CPED1: variants seen among roughly 807,000 people sequenced by gnomAD.
CPED1 encodes the protein cadherin-like and PC-esterase domain-containing protein 1.
A neutral mutation model predicts 128.2 loss-of-function variants in CPED1; 114 were observed. The ratio of observed to expected loss-of-function variants is 0.89; its 90% CI spans 0.76 to 1.04. The LOEUF (loss-of-function observed/expected upper bound fraction) is 1.04. Ranked by LOEUF, CPED1 falls within the 50% of genes least tolerant of loss-of-function variation. The pLI is 0.00. For synonymous variants in CPED1, 462 were observed against 426.7 expected, an observed-to-expected ratio of 1.08 and a Z score of -1.02; for missense variants, 1,211 against 1,207.1, an observed-to-expected ratio of 1.00 and a Z score of -0.05.
intron 18 of CPED1, among the ~76,000 whole-genome samples, chr7:121,252,564 C>T (rs1043219909): frequency 1.3e-5 from 2 of 152,048 alleles, no homozygotes; most frequent in African/African-American, 4.8e-5. Context: ...TCGCAACCTA[C>T]TCATCTGACA....
intron 2 of CPED1, among the ~76,000 whole-genome samples, chr7:120,995,967 C>A (rs1348619367): frequency 9.2e-6 from 1 of 109,168 alleles, no homozygotes; most frequent in Non-Finnish European, 1.8e-5. Flanking sequence ...CCTCCTCCTC[C>A]TCCTTCTTCT....
chr7:121,182,350 A>T (rs1362289654), intron 16 of CPED1, among the ~76,000 whole-genome samples: 1 of 152,038 alleles, frequency 6.6e-6, no homozygotes, highest in Non-Finnish European at 1.5e-5. Context: ...AAAATTAAAG[A>T]AGTTCACTTA....
At chr7:121,160,387 G>A (rs1036351068) in intron 16 of CPED1, among the ~76,000 whole-genome samples, 8 of 152,168 alleles carry the variant, frequency 5.3e-5, no homozygotes, top group Non-Finnish European at 7.3e-5. Flanking sequence ...GATATGAGGG[G>A]ATAGAGAGCG....
chr7:121,145,976 T>A (rs1563044574), intron 16 of CPED1, among the ~76,000 whole-genome samples: 1 of 152,132 alleles, frequency 6.6e-6, no homozygotes, highest in Non-Finnish European at 1.5e-5. Context: ...AGGGAAAAAT[T>A]ATAATTTCTC....
chr7:121,146,043 A>G (rs1796018026), intron 16 of CPED1, among the ~76,000 whole-genome samples: 1 of 152,176 alleles, frequency 6.6e-6, no homozygotes, highest in African/African-American at 2.4e-5. Context: ...TTTTAAATAA[A>G]CATTGTCTTA....
chr7:120,989,375 CTT>C lies in CPED1; in HGVS notation c.-231-10_-231-9del, dbSNP rs1285247396. On this transcript the variant is annotated splice_polypyrimidine_tract_variant and intron_variant, in intron 1 of 22. Coordinates refer to ENST00000310396, the MANE Select transcript of CPED1 (RefSeq NM_024913.5). ...CGTTACAACTATTATTATTTGATGT[CTT>C]TTTTTAAACTCAGGTCATCCACTTT... 7 of 494,936 alleles carry C rather than the reference CTT, an allele frequency of 1.4e-5. No homozygotes were observed. The highest frequency in any genetic ancestry group is 2.5e-5 in the Non-Finnish European group (7 of 274,584). 30.7% of individuals were successfully genotyped at this position (494,936 alleles called of 1,614,324 possible). A position where few individuals can be genotyped will look rare whatever the true frequency, so the allele number is the denominator to read the frequency against.
intron 3 of CPED1, among the ~76,000 whole-genome samples, chr7:121,027,264 G>A (rs1792615772): frequency 6.6e-6 from 1 of 151,800 alleles, no homozygotes. Context: ...GATGCCTAGG[G>A]TATGATTTGT....
intron 16 of CPED1, among the ~76,000 whole-genome samples, chr7:121,198,876 G>T (rs1043992823): frequency 6.6e-6 from 1 of 152,090 alleles, no homozygotes; most frequent in Non-Finnish European, 1.5e-5. Context: ...CTTCAAATCT[G>T]GGAAGATTCC....
chr7:121,150,744 G>C (rs1266494630), intron 16 of CPED1, among the ~76,000 whole-genome samples: 1 of 119,446 alleles, frequency 8.4e-6, no homozygotes, highest in Admixed American at 9.8e-5. Flanking sequence ...GCCAAACCGA[G>C]TCTAAAACAT....
At chr7:121,239,536 C>G (rs1341821312) in intron 17 of CPED1, among the ~76,000 whole-genome samples, 1 of 151,970 alleles carries the variant, frequency 6.6e-6, no homozygotes, top group Non-Finnish European at 1.5e-5. Context: ...GATATGTAAA[C>G]AATTTAAAAA....
chr7:121,103,194 G>A (rs1213651786), intron 7 of CPED1, among the ~76,000 whole-genome samples: 1 of 152,010 alleles, frequency 6.6e-6, no homozygotes, highest in African/African-American at 2.4e-5. Context: ...TCTTTTCTGT[G>A]AGACAGATGC....
intron 16 of CPED1, among the ~76,000 whole-genome samples, chr7:121,194,461 A>C (rs910430726): frequency 6.6e-6 from 1 of 152,006 alleles, no homozygotes; most frequent in Non-Finnish European, 1.5e-5. Flanking sequence ...TTATTTTACC[A>C]TTTTTTTCAG....
chr7:121,013,005 G>A (rs1422118482), intron 2 of CPED1, among the ~76,000 whole-genome samples: 1 of 152,122 alleles, frequency 6.6e-6, no homozygotes, highest in African/African-American at 2.4e-5. Context: ...TTTTGTACTT[G>A]AGCCAGCTGT....
chr7:121,124,242 T>C, intron 7 of CPED1, 89 bp from the exon 8 acceptor site: 1 of 1,278,934 alleles, frequency 7.8e-7, no homozygotes, highest in Non-Finnish European at 1.1e-6. Flanking sequence ...AGAGATAACC[T>C]AGAACAATCC....
intron 16 of CPED1, among the ~76,000 whole-genome samples, chr7:121,230,228 G>A (rs1056985427): frequency 3.3e-5 from 5 of 152,020 alleles, no homozygotes; most frequent in African/African-American, 1.2e-4. Context: ...AAATCAAGAA[G>A]AGAAAGTTGA....
chr7:121,159,697 A>T (rs1015142228), intron 16 of CPED1, among the ~76,000 whole-genome samples: 13 of 151,552 alleles, frequency 8.6e-5, no homozygotes, highest in African/African-American at 2.9e-4. Flanking sequence ...CTTTTTAAAA[A>T]CTCTACAATT....
Position 121,061,283 on chromosome 7 carries a change from A to G in CPED1, c.541-2955A>G, listed in dbSNP as rs779464681. The G allele has an allele frequency of 1.8e-4, 109 of 622,436 alleles. 1 individual carries two copies. Among genetic ancestry groups the G allele is most frequent in the Non-Finnish European group, 9.4e-5 (47 of 498,412 alleles). The allele number at this position is 622,436 out of a possible 1,614,324, so 38.6% of individuals were successfully genotyped here. A position where few individuals can be genotyped will look rare whatever the true frequency, so the allele number is the denominator to read the frequency against. ...TCTCATGGAAATATCCTAGGGTTTA[A>G]ATATTATTATCATTTTATCAGTGCA... On this transcript the variant is annotated intron_variant, in intron 4 of 22. Transcript: ENST00000310396.
At chr7:121,079,191 C>T (rs190311693) in intron 5 of CPED1, among the ~76,000 whole-genome samples, 64 of 152,250 alleles carry the variant, frequency 4.2e-4, no homozygotes, top group African/African-American at 1.0e-3. Context: ...CACAATTTGG[C>T]TCATAGCAGC....
In CPED1 at chr7:121,152,866, A is replaced by C. The variant is rs552467943; in HGVS notation, c.2055+10725A>C. Among the ~76,000 whole-genome samples, 29 of 152,314 alleles carry C rather than the reference A, an allele frequency of 1.9e-4. 1 individual carries two copies. In the East Asian group the frequency reaches 5.6e-3, roughly 29 times the overall value. On this transcript the variant is annotated intron_variant, in intron 16 of 22. Transcript: ENST00000310396. Reference sequence around the variant, plus strand: ...TCACCTGTGCTAAATTATACAGTACATTTTTGTAATGAATGTGATTACAAA... The same window carrying C: ...TCACCTGTGCTAAATTATACAGTACCTTTTTGTAATGAATGTGATTACAAA...
Sources: gnomAD v4.1 joint callset for allele counts (sites outside exome capture counted in the v4.1 genomes callset) on GRCh38, gnomAD v4.1.1 for gene constraint, MANE v1.5 for transcripts, NCBI Gene and HGNC (gene_info 2026-07-23, HGNC 2026-07-21) for gene names.